The following RPS3 variants were observed in gnomAD, a reference collection of about 807,000 sequenced individuals.
The protein encoded by RPS3 is small ribosomal subunit protein uS3.
RPS3 carries 2 observed loss-of-function variants against 25.8 expected under a neutral mutation model. The ratio of observed to expected loss-of-function variants is 0.08; its 90% CI spans 0.03 to 0.24. The LOEUF (loss-of-function observed/expected upper bound fraction) is 0.24, where lower values mean the gene tolerates loss of function less well. Among genes scored for constraint, RPS3 ranks in the 10% least tolerant of loss-of-function variants. The pLI, the probability that RPS3 is intolerant of heterozygous loss-of-function variation, is 1.00. For synonymous variants in RPS3, 114 were observed against 114.2 expected (o/e 1.00, Z 0.01); for missense variants, 107 against 307.1 (o/e 0.35, Z 4.87).
intron 6 of RPS3, among the ~76,000 whole-genome samples, chr11:75,417,287 T>C (rs1447723352): frequency 1.3e-5 from 2 of 151,832 alleles, no homozygotes; most frequent in East Asian, 1.9e-4. Context: ...CTGGGCAACA[T>C]AGCCAGACTC....
intron 1 of RPS3, chr11:75,400,432 C>A (rs746627201): frequency 3.5e-6 from 2 of 569,260 alleles, no homozygotes; most frequent in Admixed American, 3.8e-5. Flanking sequence ...TGGGGATGTT[C>A]TCTTTGCCCA....
At chr11:75,411,807 G>A (rs1290677491), downstream of RPS3, among the ~76,000 whole-genome samples, 1 of 152,228 alleles carries the variant, frequency 6.6e-6, no homozygotes, top group African/African-American at 2.4e-5. Flanking sequence ...GAATTAAGTG[G>A]TTCCCTGAAT....
chr11:75,400,452 C>A, intron 1 of RPS3: 1 of 595,866 alleles, frequency 1.7e-6, no homozygotes, highest in Non-Finnish European at 3.2e-6. Context: ...AGGTGGCCTA[C>A]TCTGTGCTGC....
intron 4 of RPS3, chr11:75,403,383 AT>A (rs1263495680): frequency 6.6e-6 from 1 of 152,290 alleles, no homozygotes; most frequent in Non-Finnish European, 1.5e-5. Flanking sequence ...GTGGACCATT[AT>A]ACCACCTCTC....
chr11:75,402,465 A>G lies in RPS3; in HGVS notation c.350+19A>G. ...TGCGGAGGTAAGTGTCCTGAGACCT[A>G]ATGGTCATGACCTTTTGTGTGTATC... On this transcript the variant is annotated intron_variant, in intron 4 of 6. Coordinates refer to ENST00000531188, the MANE Select transcript of RPS3 (RefSeq NM_001005.5). 6.3e-7 allele frequency: 1 copy of G among 1,594,388 alleles called. No homozygotes were observed. Among genetic ancestry groups the G allele is most frequent in the East Asian group, 2.3e-5 (1 of 44,264 alleles).
exon 7 of RPS3, chr11:75,421,958 A>C (rs1329452153): frequency 6.6e-6 from 1 of 152,210 alleles, no homozygotes; most frequent in Non-Finnish European, 1.5e-5. Context: ...TTATGCATGA[A>C]ATATTTTATA....
In RPS3 at chr11:75,404,918, A is replaced by G; in HGVS notation, c.*3+50A>G. On this transcript the variant is annotated intron_variant, in intron 6 of 6. Transcript: ENST00000531188. The surrounding 1 kb of genome is among the most constrained non-coding windows in gnomAD (Gnocchi z 4.6). ...CTTGGGGCATAATAGGGTCCTTCCG[A>G]GTCTTTCTGTTAATACTTGTATCCC... 7.9e-7 allele frequency: 1 copy of G among 1,272,796 alleles called. No homozygotes were observed. The highest frequency in any genetic ancestry group is 1.1e-6 in the Non-Finnish European group (1 of 920,674). The allele number at this position is 1,272,796 out of a possible 1,614,324, so 78.8% of individuals were successfully genotyped here.
chr11:75,421,237 G>T (rs759866866), intron 6 of RPS3, among the ~76,000 whole-genome samples: 1 of 152,174 alleles, frequency 6.6e-6, no homozygotes, highest in Non-Finnish European at 1.5e-5. Context: ...ATGATGGGCC[G>T]GCCCCAGCTG....
At chr11:75,400,659 TCTC>T (rs1948196389) in intron 1 of RPS3, 32 bp from the exon 2 acceptor site, 1 of 1,605,824 alleles carries the variant, frequency 6.2e-7, no homozygotes, top group Admixed American at 1.7e-5. Context: ...CCTACACCGA[TCTC>T]CTAATTTTGA....
At position 75,405,161 on chromosome 11, in the gene RPS3, C is replaced by T; in HGVS notation, c.*3+293C>T. The stretch of plus-strand genomic sequence containing the variant: ...CAAAATTTTTGGCTCAGTGCAACCT[C>T]TGCCTCCCATGTTCAAGCAATTCTC... On this transcript the variant is annotated intron_variant, in intron 6 of 6. Transcript: ENST00000531188. The T allele has an allele frequency of 1.3e-5, 3 of 228,730 alleles. No individual in the cohort carries two copies. The South Asian group carries it at 3.1e-4, about 24-fold the overall frequency. 14.2% of individuals were successfully genotyped at this position (228,730 alleles called of 1,614,324 possible).
chr11:75,399,553 A>C lies in RPS3; in HGVS notation c.6A>C (p.Ala2=). The C allele has an allele frequency of 1.2e-6, 2 of 1,613,882 alleles. No homozygotes were observed. The highest frequency in any genetic ancestry group is 1.7e-6 in the Non-Finnish European group (2 of 1,179,906). Reference sequence around the variant, plus strand: ...CAGCGGAGCGCGGCGGCAAGATGGCAGTGCAAATATCCAAGAAGAGGAAGG... The same window carrying C: ...CAGCGGAGCGCGGCGGCAAGATGGCCGTGCAAATATCCAAGAAGAGGAAGG... M[A]VQISKKRKFV... is the part of the protein sequence containing the mutation. Residue 2 remains alanine (A), a synonymous_variant, in exon 1 of 7, where the codon GCA becomes GCC. Coordinates refer to ENST00000531188, the MANE Select transcript of RPS3 (RefSeq NM_001005.5).
At chr11:75,409,102 C>T (rs969765788), downstream of RPS3, among the ~76,000 whole-genome samples, 18 of 152,158 alleles carry the variant, frequency 1.2e-4, no homozygotes, top group African/African-American at 4.1e-4. Flanking sequence ...CCACTTCAAC[C>T]TCCCGGGTAG....
downstream of RPS3, among the ~76,000 whole-genome samples, chr11:75,410,943 C>G (rs1948352201): frequency 6.6e-6 from 1 of 152,206 alleles, no homozygotes; most frequent in Non-Finnish European, 1.5e-5. Context: ...GTGGCGAGAT[C>G]TTGGCTCACT....
Position 75,404,272 on chromosome 11 carries a change from T to A in RPS3, c.538+65T>A, listed in dbSNP as rs1047062745. On this transcript the variant is annotated intron_variant, in intron 5 of 6. Transcript: ENST00000531188. This position sits in a 1 kb window ranked among gnomAD's most constrained non-coding sequence, Gnocchi z 4.6. ...CAGATTTGGTTTTCCACAGACATCT[T>A]AAGTATTTGGGGGAGTTTATCATGG... 1.5e-5 allele frequency: 21 copies of A among 1,442,280 alleles called. No homozygotes were observed. The highest frequency in any genetic ancestry group is 1.1e-4 in the Admixed American group (6 of 56,524). 89.3% of individuals were successfully genotyped at this position (1,442,280 alleles called of 1,614,324 possible).
At chr11:75,418,348 T>A (rs912395503) in intron 6 of RPS3, among the ~76,000 whole-genome samples, 1 of 152,264 alleles carries the variant, frequency 6.6e-6, no homozygotes, top group African/African-American at 2.4e-5. Context: ...TTGAACTGCC[T>A]GGAACCCAAG....
intron 4 of RPS3, chr11:75,403,441 C>T (rs935753661): frequency 2.0e-5 from 3 of 152,326 alleles, no homozygotes; most frequent in African/African-American, 7.2e-5. Flanking sequence ...CTGGAGGTGG[C>T]TAGCTCTCCA....
chr11:75,407,663 G>A (rs1948302794), downstream of RPS3, among the ~76,000 whole-genome samples: 1 of 151,790 alleles, frequency 6.6e-6, no homozygotes, highest in Non-Finnish European at 1.5e-5. Flanking sequence ...GTAGAGACGG[G>A]GTTTCACCGT....
intron 6 of RPS3, among the ~76,000 whole-genome samples, chr11:75,416,315 G>A (rs1403851846): frequency 6.6e-6 from 1 of 152,140 alleles, no homozygotes; most frequent in African/African-American, 2.4e-5. Context: ...CATCCCAACT[G>A]TACGTGCACT....
chr11:75,407,534 C>T (rs529448691), downstream of RPS3, among the ~76,000 whole-genome samples: 682 of 152,228 alleles, frequency 4.5e-3, 6 homozygotes, highest in African/African-American at 0.016. Context: ...TGCAGTGGCG[C>T]GATCTCTGCT....
Sources: allele counts gnomAD v4.1 joint callset (sites outside exome capture counted in the v4.1 genomes callset), GRCh38; gene constraint gnomAD v4.1.1; non-coding constraint Gnocchi (gnomAD v3.1); transcripts MANE v1.5; gene names NCBI Gene and HGNC (gene_info 2026-07-23, HGNC 2026-07-21).